DMD: variants seen among roughly 807,000 people sequenced by gnomAD.
The protein encoded by DMD is mutant dystrophin.
A neutral mutation model predicts 330.1 loss-of-function variants in DMD; 63 were observed. The observed-to-expected ratio is 0.19, with a 90% CI of 0.16 to 0.24. DMD has a LOEUF of 0.24. Among genes scored for constraint, DMD ranks in the 10% least tolerant of loss-of-function variants. The pLI is 1.00. For missense variants in DMD, 3,344 were observed against 2,684.1 expected, an observed-to-expected ratio of 1.25 and a Z score of -5.43; for synonymous variants, 1,223 against 959.8, an observed-to-expected ratio of 1.27 and a Z score of -5.07.
intron 7 of DMD, among the ~76,000 whole-genome samples, chrX:32,776,501 C>G (rs1474126439): frequency 9.0e-6 from 1 of 111,242 alleles, no homozygotes. Context: ...CCCCAGGAAA[C>G]TTACAATCAT....
intron 2 of DMD, among the ~76,000 whole-genome samples, chrX:33,005,947 C>A (rs1051985582): frequency 9.0e-6 from 1 of 111,303 alleles, no homozygotes; most frequent in African/African-American, 3.3e-5. Flanking sequence ...TTGTTTCTTA[C>A]ACACCAGCAG....
chrX:32,544,474 G>C (rs1400971565), intron 17 of DMD, among the ~76,000 whole-genome samples: 1 of 111,299 alleles, frequency 9.0e-6, no homozygotes, highest in Non-Finnish European at 1.9e-5. Context: ...AAGGGAAATT[G>C]TACCTTTTAA....
chrX:31,556,568 T>C (rs2074847889), intron 55 of DMD, among the ~76,000 whole-genome samples: 1 of 107,065 alleles, frequency 9.3e-6, no homozygotes, highest in African/African-American at 3.4e-5. Context: ...AAATGATTTG[T>C]GAGGCCACAT....
intron 37 of DMD, among the ~76,000 whole-genome samples, chrX:32,356,180 T>G (rs1327249599): frequency 9.1e-6 from 1 of 109,624 alleles, no homozygotes; most frequent in Admixed American, 9.8e-5. Flanking sequence ...AGAGCCAAAA[T>G]AATTAAATCA....
intron 44 of DMD, among the ~76,000 whole-genome samples, chrX:31,985,905 A>T (rs1178492201): frequency 8.9e-6 from 1 of 112,191 alleles, no homozygotes; most frequent in East Asian, 2.8e-4. Flanking sequence ...TTGGAGATGA[A>T]GTTACTGAAA....
intron 52 of DMD, among the ~76,000 whole-genome samples, chrX:31,725,568 C>T (rs2085969226): frequency 8.9e-6 from 1 of 112,021 alleles, no homozygotes; most frequent in Non-Finnish European, 1.9e-5. Flanking sequence ...ATCCTCCCAA[C>T]CCATGAGATA....
chrX:33,268,883 C>G (rs987085538), intron 1 of DMD, among the ~76,000 whole-genome samples: 2 of 102,786 alleles, frequency 1.9e-5, no homozygotes, highest in African/African-American at 7.3e-5. Flanking sequence ...CCAGGATTGC[C>G]CCATTGCACT....
rs759171946 is a variant in DMD, at chrX:32,385,471, A to C, written c.4674+839T>G. ...GAAGAAAACAGGAAAAAGCTTCCTG[A>C]CATTGTTCTGGGCAAACATTTTTTT... is the stretch of plus-strand genomic sequence containing the variant. On this transcript the variant is annotated intron_variant, in intron 33 of 78. Transcript: ENST00000357033. Among the ~76,000 whole-genome samples the C allele has an allele frequency of 2.7e-5, 3 of 111,030 alleles. No homozygotes were observed. The East Asian group carries it at 8.5e-4, about 31-fold the overall frequency.
chrX:32,295,227 C>T (rs1603630127), intron 42 of DMD, among the ~76,000 whole-genome samples: 1 of 111,720 alleles, frequency 9.0e-6, no homozygotes, highest in East Asian at 2.8e-4. Context: ...CATCTGTACA[C>T]GAATTTATAC....
At chrX:33,116,062 G>A (rs775649044) in intron 1 of DMD, among the ~76,000 whole-genome samples, 4 of 109,059 alleles carry the variant, frequency 3.7e-5, no homozygotes, top group Admixed American at 9.9e-5. Context: ...GCATGGTGGC[G>A]TGCACCAGTA....
At chrX:32,219,852 C>A (rs1467635024) in intron 43 of DMD, among the ~76,000 whole-genome samples, 3 of 112,220 alleles carry the variant, frequency 2.7e-5, no homozygotes, top group Non-Finnish European at 5.6e-5. Context: ...GTTGCACAGA[C>A]TTGTTTCTCA....
intron 47 of DMD, among the ~76,000 whole-genome samples, chrX:31,896,250 G>A (rs2094330529): frequency 8.9e-6 from 1 of 111,869 alleles, no homozygotes; most frequent in South Asian, 3.7e-4. Flanking sequence ...AGTTGAAAAT[G>A]TAAAATAAAC....
chrX:32,430,546 A>ATAT (rs1569562234), intron 29 of DMD, among the ~76,000 whole-genome samples: 1 of 111,691 alleles, frequency 9.0e-6, no homozygotes, highest in African/African-American at 3.2e-5. Context: ...TCCTATTCTA[A>ATAT]TATTATTATT....
chrX:31,164,821 G>T (rs930032062), intron 74 of DMD, among the ~76,000 whole-genome samples: 1 of 111,329 alleles, frequency 9.0e-6, no homozygotes, highest in African/African-American at 3.3e-5. Flanking sequence ...CAACTCTGCA[G>T]TGGGTACCAC....
At chrX:33,179,618 T>C (rs369978054) in intron 1 of DMD, among the ~76,000 whole-genome samples, 455 of 104,945 alleles carry the variant, frequency 4.3e-3, no homozygotes, top group Middle Eastern at 0.015. Flanking sequence ...GGCGTGAACC[T>C]GGGAGGCGGA....
chrX:32,527,161 G>A (rs923849339), intron 17 of DMD, among the ~76,000 whole-genome samples: 2 of 111,609 alleles, frequency 1.8e-5, no homozygotes, highest in African/African-American at 6.5e-5. Context: ...ACCATTGCAG[G>A]GTCCCAGGGC....
chrX:32,925,676 C>G (rs1048501301), intron 2 of DMD, among the ~76,000 whole-genome samples: 1 of 111,884 alleles, frequency 8.9e-6, no homozygotes, highest in Non-Finnish European at 1.9e-5. Context: ...TACATGATAA[C>G]TAAAATTAGT....
chrX:33,174,923 T>C (rs2049566810), intron 1 of DMD, among the ~76,000 whole-genome samples: 1 of 112,076 alleles, frequency 8.9e-6, no homozygotes, highest in African/African-American at 3.2e-5. Flanking sequence ...GGGAGCTAAA[T>C]AACGTATGAG....
At chrX:31,453,716 A>G (rs1396983220) in intron 59 of DMD, among the ~76,000 whole-genome samples, 1 of 93,629 alleles carries the variant, frequency 1.1e-5, no homozygotes, top group Non-Finnish European at 2.0e-5. Flanking sequence ...TGTTTCTATA[A>G]TCCTAACTGC....
Sources: allele counts gnomAD v4.1 joint callset (sites outside exome capture counted in the v4.1 genomes callset), GRCh38; gene constraint gnomAD v4.1.1; transcripts MANE v1.5; gene names NCBI Gene and HGNC (gene_info 2026-07-23, HGNC 2026-07-21).